ABCB11: variants seen among roughly 807,000 people sequenced by gnomAD.
ABCB11 encodes ATP binding cassette subfamily B member 11.
In ABCB11, 95 loss-of-function variants were observed where a neutral mutation model predicts 148.0. That is an observed-to-expected ratio of 0.64 (90% CI 0.54 to 0.76). The LOEUF (loss-of-function observed/expected upper bound fraction) is 0.76. Ranked by LOEUF, ABCB11 falls within the 30% of genes least tolerant of loss-of-function variation. ABCB11 has a pLI of 0.00. For synonymous variants in ABCB11, 591 were observed against 555.4 expected (o/e 1.06, Z -0.90); for missense variants, 1,523 against 1,617.8 (o/e 0.94, Z 1.01).
Position 168,969,406 on chromosome 2 carries a change from G to A in ABCB11, c.1955C>T (p.Thr652Ile), listed in dbSNP as rs1377397092. The A allele has an allele frequency of 1.2e-6, 2 of 1,612,494 alleles. No homozygotes were observed. Among genetic ancestry groups the A allele is most frequent in the African/African-American group, 2.7e-5 (2 of 74,832 alleles). The change falls in exon 16 of 28, where the codon ACT (threonine) becomes ATT (isoleucine). Residue 652 changes from threonine (T) to isoleucine (I), a missense_variant. Physicochemically the swap from Thr to Ile is moderately conservative, Grantham distance 89. Coordinates refer to ENST00000650372, the MANE Select transcript of ABCB11 (RefSeq NM_003742.4). ...ELLERKGVYF[T>I]LVTLQSQGNQ... Reference sequence around the variant, plus strand: ...TCCCTGGCTTTGCAAAGTCACTAGAGTGAAGTAAACACCTTTCCTTTCCAG... The same window carrying A: ...TCCCTGGCTTTGCAAAGTCACTAGAATGAAGTAAACACCTTTCCTTTCCAG...
chr2:168,953,801 C>T (rs1048160316), intron 19 of ABCB11, among the ~76,000 whole-genome samples: 4 of 151,610 alleles, frequency 2.6e-5, no homozygotes, highest in Non-Finnish European at 5.9e-5. Context: ...CCTTTGCTCA[C>T]TGAGATAAAG....
intron 19 of ABCB11, 61 bp from the exon 20 acceptor site, chr2:168,945,022 C>T: frequency 1.7e-6 from 2 of 1,196,650 alleles, no homozygotes; most frequent in Non-Finnish European, 1.2e-6. Flanking sequence ...AATCTATTTA[C>T]ATGTTTAAAA....
rs543789358 is a variant in ABCB11 at position 168,947,451 on chromosome 2, C to A, written c.2344-2490G>T. ...CAGGGAAAGTGAAGCAGACAAATTA[C>A]GCCTTACATGTATATTGAGGCTTAG... On this transcript the variant is annotated intron_variant, in intron 19 of 27. Transcript: ENST00000650372. Among the ~76,000 whole-genome samples, 9 of 151,702 alleles carry A rather than the reference C, an allele frequency of 5.9e-5. No individual in the cohort carries two copies. In the East Asian group the frequency reaches 7.8e-4, roughly 13 times the overall value.
chr2:168,929,902 C>T (rs1214605795), intron 25 of ABCB11, among the ~76,000 whole-genome samples: 1 of 152,020 alleles, frequency 6.6e-6, no homozygotes, highest in Non-Finnish European at 1.5e-5. Context: ...CATGAAATAG[C>T]ATGAGCATAT....
At chr2:168,994,016 C>T (rs1269019327) in intron 7 of ABCB11, 134 bp from the exon 8 acceptor site, 5 of 739,662 alleles carry the variant, frequency 6.8e-6, no homozygotes, top group Non-Finnish European at 1.1e-5. Context: ...TTAACAGCCT[C>T]TCAGATCTTG....
At chr2:168,926,271 T>C (rs1443059415) in intron 26 of ABCB11, among the ~76,000 whole-genome samples, 1 of 152,078 alleles carries the variant, frequency 6.6e-6, no homozygotes, top group Non-Finnish European at 1.5e-5. Flanking sequence ...TTTGGCAAAG[T>C]AAGAGACAGT....
chr2:169,003,821 G>A (rs1337617769), intron 5 of ABCB11, among the ~76,000 whole-genome samples: 1 of 152,030 alleles, frequency 6.6e-6, no homozygotes, highest in Non-Finnish European at 1.5e-5. Flanking sequence ...CTGTGGTTTT[G>A]ATTTGCATTT....
chr2:168,994,918 T>C (rs1181270824), intron 7 of ABCB11, among the ~76,000 whole-genome samples: 1 of 151,660 alleles, frequency 6.6e-6, no homozygotes, highest in African/African-American at 2.4e-5. Context: ...TCAGTGTGCT[T>C]TATCTACACT....
chr2:169,030,458 A>T lies in ABCB11; in HGVS notation c.-28+767T>A, dbSNP rs1379867088. Among the ~76,000 whole-genome samples the T allele has an allele frequency of 3.3e-5, 5 of 152,232 alleles. No homozygotes were observed. In the East Asian group the frequency reaches 9.6e-4, roughly 29 times the overall value. ...TTATCACTTCAAATGTTTAATAAAA[A>T]CCACTACTAACTCCTAATATTAAAA... On this transcript the variant is annotated intron_variant, in intron 1 of 27. Coordinates refer to ENST00000650372, the MANE Select transcript of ABCB11 (RefSeq NM_003742.4).
chr2:168,972,051 CT>C lies in ABCB11; in HGVS notation c.1435-2del, dbSNP rs1693604771. ...GAATGTCATGGCCATCCACGGTCAC[CT>C]AGAGAGCATGGGCACAACATCACAA... On this transcript the variant is annotated splice_acceptor_variant, in intron 13 of 27. Coordinates refer to ENST00000650372, the MANE Select transcript of ABCB11 (RefSeq NM_003742.4). LOFTEE classifies it high-confidence loss of function. 6.2e-7 allele frequency: 1 copy of C among 1,611,836 alleles called. No homozygotes were observed. Among genetic ancestry groups the C allele is most frequent in the Admixed American group, 1.7e-5 (1 of 59,742 alleles).
chr2:168,928,056 C>A lies in ABCB11; in HGVS notation c.3412-694G>T, dbSNP rs74710152. ...TCCTAGAATATTAAAGGCACAGATG[C>A]CTAACGTGCTACTATAAAGTATTTG... On this transcript the variant is annotated intron_variant, in intron 25 of 27. Transcript: ENST00000650372. Among the ~76,000 whole-genome samples, 1,489 of 152,110 alleles carry A rather than the reference C, an allele frequency of 9.8e-3. 24 individuals are homozygous for A. The highest frequency in any genetic ancestry group is 0.034 in the African/African-American group (1,397 of 41,478).
intron 9 of ABCB11, among the ~76,000 whole-genome samples, chr2:168,987,637 C>T (rs1337262498): frequency 6.6e-6 from 1 of 152,074 alleles, no homozygotes; most frequent in East Asian, 1.9e-4. Context: ...TGCCATGTTG[C>T]CCAGGCTGGT....
chr2:168,979,144 T>C (rs1343747233), intron 11 of ABCB11, among the ~76,000 whole-genome samples: 2 of 152,192 alleles, frequency 1.3e-5, no homozygotes, highest in Non-Finnish European at 2.9e-5. Context: ...AAGTCCTGCA[T>C]GGTAGGCCCT....
At chr2:168,998,260 T>G (rs1432893276) in intron 5 of ABCB11, among the ~76,000 whole-genome samples, 1 of 151,968 alleles carries the variant, frequency 6.6e-6, no homozygotes, top group African/African-American at 2.4e-5. Flanking sequence ...GTCCAAACAT[T>G]TTACTTAGAG....
At chr2:168,918,974 C>A (rs1481123003), downstream of ABCB11, among the ~76,000 whole-genome samples, 1 of 151,938 alleles carries the variant, frequency 6.6e-6, no homozygotes, top group Non-Finnish European at 1.5e-5. Flanking sequence ...AATCTTTTAG[C>A]AGTTTCTTTC....
In ABCB11 at chr2:168,923,804, C is replaced by T; in HGVS notation, c.3784G>A (p.Asp1262Asn). 1 of 1,613,942 alleles carries T rather than the reference C, an allele frequency of 6.2e-7. No individual in the cohort carries two copies. The highest frequency in any genetic ancestry group is 1.1e-5 in the South Asian group (1 of 91,062). ...CAGGTCCGACCCTCTCTGGCTTTGTCTAGAGCAACCTGCACCGTCTGCAAA... is the reference window on the plus strand; with the variant it reads ...CAGGTCCGACCCTCTCTGGCTTTGTTTAGAGCAACCTGCACCGTCTGCAAA... ...ESEKTVQVAL[D>N]KAREGRTCIV... is the part of the protein sequence containing the mutation. Residue 1262 changes from aspartate to asparagine, a missense_variant, in exon 28 of 28, where the codon GAC becomes AAC. Transcript: ENST00000650372.
At chr2:168,937,225 A>C (rs1391506471) in intron 21 of ABCB11, among the ~76,000 whole-genome samples, 1 of 152,228 alleles carries the variant, frequency 6.6e-6, no homozygotes, top group African/African-American at 2.4e-5. Context: ...TTGTATGTGT[A>C]TATCACATTT....
chr2:169,016,885 A>T (rs1471405825), intron 2 of ABCB11, 86 bp from the exon 3 acceptor site: 1 of 989,522 alleles, frequency 1.0e-6, no homozygotes, highest in African/African-American at 1.7e-5. Context: ...GCTCTAGAAA[A>T]ATATTCCTAT....
At chr2:168,953,120 G>A (rs1692640748) in intron 19 of ABCB11, among the ~76,000 whole-genome samples, 1 of 151,508 alleles carries the variant, frequency 6.6e-6, no homozygotes, top group Non-Finnish European at 1.5e-5. Flanking sequence ...TTGTTTTGTG[G>A]CCTAATATCT....
Sources: allele counts gnomAD v4.1 joint callset (sites outside exome capture counted in the v4.1 genomes callset), GRCh38; gene constraint gnomAD v4.1.1; transcripts MANE v1.5; gene names NCBI Gene and HGNC (gene_info 2026-07-23, HGNC 2026-07-21).